Variants in ASIC2 observed in about 807,000 individuals in gnomAD.
ASIC2 encodes the protein acid-sensing ion channel 2.
Under a neutral mutation model 57.3 loss-of-function variants are expected in ASIC2, and 25 were observed. The observed-to-expected ratio is 0.44, with a 90% CI of 0.32 to 0.61. The LOEUF is 0.61. Among genes scored for constraint, ASIC2 ranks in the 20% least tolerant of loss-of-function variants. The pLI, the probability that ASIC2 is intolerant of heterozygous loss-of-function variation, is 0.06. For missense variants in ASIC2, 641 were observed against 738.1 expected (o/e 0.87, Z 1.52); for synonymous variants, 319 against 307.5 (o/e 1.04, Z -0.39).
intron 1 of ASIC2, among the ~76,000 whole-genome samples, chr17:33,841,937 G>C (rs1051623025): frequency 1.3e-5 from 2 of 152,008 alleles, no homozygotes; most frequent in Non-Finnish European, 2.9e-5. Flanking sequence ...CCTTATATAC[G>C]GAGAATGTCC....
At chr17:34,020,401 G>A (rs549218855) in intron 1 of ASIC2, among the ~76,000 whole-genome samples, 3 of 152,320 alleles carry the variant, frequency 2.0e-5, no homozygotes, top group Middle Eastern at 3.4e-3. Flanking sequence ...AAGTTCAAGA[G>A]TATGGCTGAG....
chr17:33,934,003 G>A (rs1323933937), intron 1 of ASIC2, among the ~76,000 whole-genome samples: 1 of 152,164 alleles, frequency 6.6e-6, no homozygotes, highest in African/African-American at 2.4e-5. Flanking sequence ...GATTCTTTCG[G>A]GTCAGCAGCG....
intron 3 of ASIC2, among the ~76,000 whole-genome samples, chr17:33,069,697 T>C (rs1363778338): frequency 6.6e-6 from 1 of 152,232 alleles, no homozygotes; most frequent in Non-Finnish European, 1.5e-5. Flanking sequence ...TATATATGTT[T>C]CCATCCTTTA....
intron 1 of ASIC2, among the ~76,000 whole-genome samples, chr17:33,492,713 G>A (rs750778830): frequency 6.6e-6 from 1 of 152,188 alleles, no homozygotes; most frequent in Non-Finnish European, 1.5e-5. Flanking sequence ...ATTGGCACTG[G>A]TGAGCTGGGG....
chr17:33,739,056 T>C (rs1028856351), intron 1 of ASIC2, among the ~76,000 whole-genome samples: 7 of 152,234 alleles, frequency 4.6e-5, no homozygotes, highest in Admixed American at 1.3e-4. Flanking sequence ...AGCTGTAAGG[T>C]TGACAAAATG....
chr17:34,101,316 A>T (rs1567822497), intron 1 of ASIC2, among the ~76,000 whole-genome samples: 3 of 152,228 alleles, frequency 2.0e-5, no homozygotes, highest in Non-Finnish European at 1.5e-5. Flanking sequence ...TTGCCAAAAC[A>T]GTACTCAGAC....
intron 1 of ASIC2, among the ~76,000 whole-genome samples, chr17:33,201,495 T>C (rs1035000793): frequency 6.6e-6 from 1 of 152,218 alleles, no homozygotes; most frequent in African/African-American, 2.4e-5. Context: ...AGTTTACTGT[T>C]GCCATGGCAA....
At chr17:34,031,453 G>A (rs771346436) in intron 1 of ASIC2, among the ~76,000 whole-genome samples, 89 of 152,296 alleles carry the variant, frequency 5.8e-4, no homozygotes, top group Middle Eastern at 6.8e-3. Flanking sequence ...AAATCAGAGC[G>A]CCTCTCCTCC....
At chr17:33,596,127 C>T (rs144342323) in intron 1 of ASIC2, among the ~76,000 whole-genome samples, 2 of 152,274 alleles carry the variant, frequency 1.3e-5, no homozygotes, top group African/African-American at 4.8e-5. Flanking sequence ...CCCGCCAAAT[C>T]TTGGAGCTCT....
chr17:34,020,567 G>T (rs1036142802), intron 1 of ASIC2, among the ~76,000 whole-genome samples: 1 of 152,204 alleles, frequency 6.6e-6, no homozygotes, highest in Admixed American at 6.5e-5. Context: ...AGATTTGAGT[G>T]ATAGAGGAAC....
Position 33,977,188 on chromosome 17 carries a change from T to C in ASIC2, c.555+178790A>G, listed in dbSNP as rs144292415. ...GGCTCGTCAATTCCACCGGGGGCAT[T>C]TCCTATGGACTGCTCTGCCTGAGCC... On this transcript the variant is annotated intron_variant, in intron 1 of 9. Transcript: ENST00000359872. 9.5e-3 allele frequency among the ~76,000 whole-genome samples: 1,448 copies of C among 151,900 alleles called. 19 individuals are homozygous for C. The highest frequency in any genetic ancestry group is 0.033 in the African/African-American group (1,382 of 41,444).
chr17:33,672,303 G>A (rs1452758486), intron 1 of ASIC2, among the ~76,000 whole-genome samples: 2 of 152,058 alleles, frequency 1.3e-5, no homozygotes, highest in African/African-American at 4.8e-5. Context: ...CCTTGTAAAA[G>A]GAGGTTCTTC....
intron 3 of ASIC2, among the ~76,000 whole-genome samples, chr17:33,047,216 G>T (rs2091959094): frequency 6.6e-6 from 1 of 152,162 alleles, no homozygotes; most frequent in Non-Finnish European, 1.5e-5. Flanking sequence ...TTATGTTCTT[G>T]ACCCCCTTCC....
intron 1 of ASIC2, among the ~76,000 whole-genome samples, chr17:33,163,697 CAT>C (rs1325788470): frequency 6.6e-6 from 1 of 152,162 alleles, no homozygotes; most frequent in East Asian, 1.9e-4. Context: ...GTGGATCTCA[CAT>C]CCTAGCGAGG....
At chr17:33,451,575 A>G (rs932561641) in intron 1 of ASIC2, among the ~76,000 whole-genome samples, 1 of 152,188 alleles carries the variant, frequency 6.6e-6, no homozygotes, top group African/African-American at 2.4e-5. Flanking sequence ...ACACAAAACC[A>G]ACTATCCAGT....
At chr17:33,801,740 C>G (rs575262794) in intron 1 of ASIC2, among the ~76,000 whole-genome samples, 6 of 152,208 alleles carry the variant, frequency 3.9e-5, no homozygotes, top group African/African-American at 1.4e-4. Flanking sequence ...ATGATAGCAC[C>G]TGGTTAAATA....
intron 1 of ASIC2, among the ~76,000 whole-genome samples, chr17:33,195,779 T>C (rs1906600733): frequency 6.6e-6 from 1 of 152,172 alleles, no homozygotes; most frequent in Non-Finnish European, 1.5e-5. Flanking sequence ...AGTTCTGGCC[T>C]GGTCTTCTGA....
intron 1 of ASIC2, among the ~76,000 whole-genome samples, chr17:34,022,644 A>C (rs1050234590): frequency 6.6e-6 from 1 of 151,864 alleles, no homozygotes. Flanking sequence ...AAAAAAACAA[A>C]AAAAAAAACA....
intron 1 of ASIC2, among the ~76,000 whole-genome samples, chr17:33,662,661 A>AAAT (rs1567682600): frequency 1.1e-3 from 154 of 146,606 alleles, no homozygotes; most frequent in African/African-American, 3.7e-3. Context: ...ATAAATAAAT[A>AAAT]AATAAATAAG....
Sources: allele counts gnomAD v4.1 joint callset (sites outside exome capture counted in the v4.1 genomes callset), GRCh38; gene constraint gnomAD v4.1.1; transcripts MANE v1.5; gene names NCBI Gene and HGNC (gene_info 2026-07-23, HGNC 2026-07-21).